Variants in CLIC5 observed in about 807,000 individuals in gnomAD.
CLIC5 encodes chloride intracellular channel protein 5.
A neutral mutation model predicts 24.7 loss-of-function variants in CLIC5; 20 were observed. The ratio of observed to expected loss-of-function variants is 0.81; its 90% CI spans 0.57 to 1.18. The LOEUF (loss-of-function observed/expected upper bound fraction) is 1.18. CLIC5 is among the 50% of genes most tolerant of loss of function. The probability of loss-of-function intolerance (pLI) is 0.00; values close to 1 mark genes in which losing one functional copy is unlikely to be tolerated. For synonymous variants in CLIC5, 159 were observed against 135.6 expected, an observed-to-expected ratio of 1.17 and a Z score of -1.20; for missense variants, 341 against 326.1, an observed-to-expected ratio of 1.05 and a Z score of -0.35.
chr6:46,066,740 TA>T lies in CLIC5; in HGVS notation c.540+12962del, dbSNP rs1380944906. ...AATTTTAAAATGAGGTAAGAGGTGCTAAAATGAAGGCAGGCACTGAGGGAGA... is the reference window on the plus strand; with the variant it reads ...AATTTTAAAATGAGGTAAGAGGTGCTAAATGAAGGCAGGCACTGAGGGAGA... On this transcript the variant is annotated intron_variant, in intron 1 of 5. Transcript: ENST00000185206. Among the ~76,000 whole-genome samples, 3 of 152,136 alleles carry T rather than the reference TA, an allele frequency of 2.0e-5. No homozygotes were observed. In the East Asian group the frequency reaches 5.8e-4, roughly 29 times the overall value.
At chr6:46,041,548 A>G (rs1465462944) in intron 1 of CLIC5, among the ~76,000 whole-genome samples, 1 of 152,204 alleles carries the variant, frequency 6.6e-6, no homozygotes, top group African/African-American at 2.4e-5. Flanking sequence ...AATGCTTAGG[A>G]AGAAGTTTCA....
At chr6:46,102,203 G>A in the CLIC5 span, among the ~76,000 whole-genome samples, 8 of 152,170 alleles carry the variant, frequency 5.3e-5, no homozygotes, top group African/African-American at 1.4e-4. Context: ...AAAATTGTCC[G>A]ATTTTTGCTT....
At chr6:46,123,210 A>T in the CLIC5 span, 2 of 152,384 alleles carry the variant, frequency 1.3e-5, no homozygotes, top group East Asian at 3.9e-4. Context: ...CGAATCCAGC[A>T]GCACATCAAA....
intron 1 of CLIC5, among the ~76,000 whole-genome samples, chr6:45,968,472 T>C (rs1449624990): frequency 6.6e-6 from 1 of 152,064 alleles, no homozygotes; most frequent in Non-Finnish European, 1.5e-5. Flanking sequence ...ACCAGACATG[T>C]AGGTTTTTAT....
At chr6:45,881,055 C>T (rs1011097502) in exon 7 of CLIC5, 5 of 398,114 alleles carry the variant, frequency 1.3e-5, no homozygotes, top group Admixed American at 8.8e-5. Flanking sequence ...AAAGCCAGTA[C>T]AGACAATGAG....
intron 1 of CLIC5, among the ~76,000 whole-genome samples, chr6:46,065,749 G>A (rs1406575585): frequency 1.3e-5 from 2 of 152,178 alleles, no homozygotes; most frequent in Admixed American, 6.5e-5. Context: ...TAGGAGGCAG[G>A]AGGTGTCTGG....
downstream of CLIC5, among the ~76,000 whole-genome samples, chr6:45,895,571 G>A (rs1328219047): frequency 2.0e-5 from 3 of 152,180 alleles, no homozygotes; most frequent in Non-Finnish European, 2.9e-5. Flanking sequence ...TGAAGAGTGA[G>A]ATCCAAGGTG....
chr6:45,883,835 C>G (rs1244734464), intron 6 of CLIC5: 1 of 152,124 alleles, frequency 6.6e-6, no homozygotes, highest in Admixed American at 6.5e-5. Context: ...GTGCCTGAAA[C>G]AGAAGCAGAA....
intron 4 of CLIC5, among the ~76,000 whole-genome samples, chr6:45,926,279 G>A (rs966454996): frequency 1.1e-4 from 16 of 146,924 alleles, no homozygotes; most frequent in Admixed American, 2.7e-4. Context: ...ATGGAGTCTC[G>A]CTCTGTCACC....
chr6:45,922,893 G>A (rs944452784), intron 4 of CLIC5, among the ~76,000 whole-genome samples: 1 of 151,750 alleles, frequency 6.6e-6, no homozygotes, highest in Non-Finnish European at 1.5e-5. Flanking sequence ...CAGAGCTAGC[G>A]AGCTCAGGAG....
At chr6:45,915,748 T>C (rs1242475475) in intron 4 of CLIC5, among the ~76,000 whole-genome samples, 3 of 152,138 alleles carry the variant, frequency 2.0e-5, no homozygotes, top group African/African-American at 7.2e-5. Flanking sequence ...AAAGAACAAC[T>C]GTGGGAAGCC....
At chr6:45,983,099 C>G (rs1561982741) in intron 1 of CLIC5, among the ~76,000 whole-genome samples, 1 of 152,162 alleles carries the variant, frequency 6.6e-6, no homozygotes, top group African/African-American at 2.4e-5. Flanking sequence ...AGGTGGGCTT[C>G]CTTGTAACGT....
chr6:45,989,532 C>T (rs1765857131), intron 1 of CLIC5, among the ~76,000 whole-genome samples: 1 of 152,202 alleles, frequency 6.6e-6, no homozygotes, highest in South Asian at 2.1e-4. Context: ...ATCTCCAGTG[C>T]TGCCCTTACA....
chr6:45,980,780 T>A (rs973866971), intron 1 of CLIC5, among the ~76,000 whole-genome samples: 6 of 150,214 alleles, frequency 4.0e-5, no homozygotes, highest in Admixed American at 2.0e-4. Flanking sequence ...TAGAAAAAAA[T>A]ATTTTTCAAA....
rs1266589634 is a variant in CLIC5 at position 45,932,533 on chromosome 6, G to A, written c.406+9014C>T. Reference sequence around the variant, plus strand: ...AAGATCTTATTAAAAGGGAGCGAAGGGAAGGAAGCACTGTGACCCCCGGGG... The same window carrying A: ...AAGATCTTATTAAAAGGGAGCGAAGAGAAGGAAGCACTGTGACCCCCGGGG... On this transcript the variant is annotated intron_variant, in intron 4 of 5. Transcript: ENST00000339561. Among the ~76,000 whole-genome samples the A allele has an allele frequency of 2.6e-5, 4 of 152,204 alleles. No individual in the cohort carries two copies. The East Asian group carries it at 5.8e-4, about 22-fold the overall frequency.
chr6:46,009,651 G>A (rs145256853), intron 1 of CLIC5, among the ~76,000 whole-genome samples: 8 of 152,288 alleles, frequency 5.3e-5, no homozygotes, highest in Admixed American at 1.3e-4. Context: ...TAGATAATAC[G>A]TGTGCATGTG....
At chr6:45,992,158 C>T (rs1413484994) in intron 1 of CLIC5, among the ~76,000 whole-genome samples, 1 of 152,198 alleles carries the variant, frequency 6.6e-6, no homozygotes, top group African/African-American at 2.4e-5. Flanking sequence ...ATCAGGTGCT[C>T]ACACCTATAA....
the CLIC5 span, among the ~76,000 whole-genome samples, chr6:46,087,757 C>T: frequency 3.3e-4 from 50 of 152,238 alleles, no homozygotes; most frequent in South Asian, 9.6e-3. Flanking sequence ...ACTGAGGAGC[C>T]CAGATAGCCA....
chr6:45,885,253 T>C (rs1439909860), intron 6 of CLIC5, among the ~76,000 whole-genome samples: 6 of 152,130 alleles, frequency 3.9e-5, no homozygotes, highest in African/African-American at 1.2e-4. Context: ...GCCCTGTTTC[T>C]ACCATGTGTG....
Sources: gnomAD v4.1 joint callset for allele counts (sites outside exome capture counted in the v4.1 genomes callset) on GRCh38, gnomAD v4.1.1 for gene constraint, MANE v1.5 for transcripts, NCBI Gene and HGNC (gene_info 2026-07-23, HGNC 2026-07-21) for gene names.